MTSS2: variants seen among roughly 807,000 people sequenced by gnomAD.
MTSS2 encodes protein MTSS 2.
MTSS2 carries 27 observed loss-of-function variants against 67.1 expected under a neutral mutation model. The observed-to-expected ratio is 0.40, with a 90% CI of 0.30 to 0.55. The LOEUF (loss-of-function observed/expected upper bound fraction) is 0.55, where lower values mean the gene tolerates loss of function less well. MTSS2 is among the 20% of genes least tolerant of loss of function. MTSS2 has a pLI of 0.43. For missense variants in MTSS2, 1,171 were observed against 1,067.8 expected (o/e 1.10, Z -1.35); for synonymous variants, 624 against 468.6 (o/e 1.33, Z -4.28).
intron 1 of MTSS2, among the ~76,000 whole-genome samples, chr16:70,683,894 G>A (rs1819363892): frequency 6.6e-6 from 1 of 152,246 alleles, no homozygotes; most frequent in Non-Finnish European, 1.5e-5. Flanking sequence ...CCTGGTCATG[G>A]CCCCTGAACA....
chr16:70,680,113 T>A lies in MTSS2; in HGVS notation c.206-58A>T, dbSNP rs555931544. On this transcript the variant is annotated intron_variant, in intron 3 of 14. Coordinates refer to ENST00000338779, the MANE Select transcript of MTSS2 (RefSeq NM_138383.3). ...CGCTGGGGCCTGCGCAGTCCCGGCC[T>A]CGGGCCAGGAGGGGGCGCCCCGGCC... is the stretch of plus-strand genomic sequence containing the variant. 9.5e-6 allele frequency: 12 copies of A among 1,262,874 alleles called. No individual in the cohort carries two copies. In the East Asian group the frequency reaches 3.2e-4, roughly 34 times the overall value. 78.2% of individuals were successfully genotyped at this position (1,262,874 alleles called of 1,614,324 possible). A position where few individuals can be genotyped will look rare whatever the true frequency, so the allele number is the denominator to read the frequency against.
intron 1 of MTSS2, among the ~76,000 whole-genome samples, chr16:70,684,920 G>A (rs1170594148): frequency 2.0e-5 from 3 of 152,182 alleles, no homozygotes; most frequent in Non-Finnish European, 2.9e-5. Context: ...AGTCTCCTTA[G>A]TGACCTTGAG....
chr16:70,666,637 C>A (rs1193301890), intron 11 of MTSS2, among the ~76,000 whole-genome samples: 1 of 152,124 alleles, frequency 6.6e-6, no homozygotes, highest in Non-Finnish European at 1.5e-5. Flanking sequence ...GAACCAAGAT[C>A]ACCAAAATAA....
intron 7 of MTSS2, 81 bp from the exon 8 acceptor site, chr16:70,678,490 G>C: frequency 6.6e-7 from 1 of 1,505,792 alleles, no homozygotes; most frequent in Non-Finnish European, 8.9e-7. Context: ...GACCCTGGTG[G>C]TGGCATCTCT....
intron 11 of MTSS2, among the ~76,000 whole-genome samples, chr16:70,666,401 A>C (rs1325326823): frequency 1.3e-5 from 2 of 152,192 alleles, no homozygotes; most frequent in African/African-American, 2.4e-5. Flanking sequence ...AAACAACTAC[A>C]AAGAATAAAG....
intron 11 of MTSS2, among the ~76,000 whole-genome samples, chr16:70,669,947 C>G (rs754522474): frequency 4.6e-5 from 7 of 151,984 alleles, no homozygotes; most frequent in Non-Finnish European, 5.9e-5. Context: ...AAATGCCAAG[C>G]GCTGGTGAGG....
chr16:70,665,764 A>C, intron 11 of MTSS2: 1 of 470,210 alleles, frequency 2.1e-6, no homozygotes, highest in Non-Finnish European at 3.8e-6. Context: ...CCCACCTGAC[A>C]GCCCAGCCCT....
chr16:70,680,373 G>C (rs2053265176), intron 3 of MTSS2, among the ~76,000 whole-genome samples: 1 of 152,178 alleles, frequency 6.6e-6, no homozygotes, highest in Non-Finnish European at 1.5e-5. Context: ...GCGGGAGTGT[G>C]AGCACGCCCA....
chr16:70,672,000 T>C (rs1413253275), intron 11 of MTSS2, among the ~76,000 whole-genome samples: 2 of 152,170 alleles, frequency 1.3e-5, no homozygotes, highest in East Asian at 3.8e-4. Context: ...GAGGGACAGG[T>C]GTGAGAAACT....
chr16:70,679,682 C>T lies in MTSS2; in HGVS notation c.405G>A (p.Glu135=). ...GCGTGTCCGACGACTTCTTTTTGATCTCATGCCGGGCTCGTTTGTACTCTG... is the reference window on the plus strand; with the variant it reads ...GCGTGTCCGACGACTTCTTTTTGATTTCATGCCGGGCTCGTTTGTACTCTG... The part of the protein sequence containing the change: ...HAKEYKRARH[E]IKKKSSDTLK... Residue 135 remains glutamate (E), a synonymous_variant, in exon 6 of 15, where the codon GAG becomes GAA. Coordinates refer to ENST00000338779, the MANE Select transcript of MTSS2 (RefSeq NM_138383.3). 1 of 1,611,418 alleles carries T rather than the reference C, an allele frequency of 6.2e-7. No individual in the cohort carries two copies. Among genetic ancestry groups the T allele is most frequent in the Non-Finnish European group, 8.5e-7 (1 of 1,179,016 alleles).
chr16:70,683,678 G>A (rs564750210), intron 1 of MTSS2, among the ~76,000 whole-genome samples: 2 of 152,362 alleles, frequency 1.3e-5, no homozygotes, highest in East Asian at 3.9e-4. Context: ...GGGCCTCCCA[G>A]AGGCCCAGGG....
intron 1 of MTSS2, among the ~76,000 whole-genome samples, chr16:70,681,571 C>T (rs1171246422): frequency 6.6e-6 from 1 of 152,250 alleles, no homozygotes; most frequent in Non-Finnish European, 1.5e-5. Context: ...AGGCCAGCAG[C>T]AGTGGCTCCC....
intron 12 of MTSS2, 124 bp downstream of exon 12, chr16:70,665,342 G>T: frequency 9.2e-7 from 1 of 1,083,962 alleles, no homozygotes; most frequent in Non-Finnish European, 1.3e-6. Flanking sequence ...CTTGGGGACA[G>T]GTGCTGTGTG....
chr16:70,683,868 C>T (rs961514541), intron 1 of MTSS2, among the ~76,000 whole-genome samples: 6 of 152,240 alleles, frequency 3.9e-5, no homozygotes, highest in African/African-American at 1.4e-4. Context: ...CAGGTGGCCT[C>T]ATCCCCTTCT....
In MTSS2 at chr16:70,663,509, C is replaced by T. The variant is rs753440511; in HGVS notation, c.*168G>A. Reference sequence around the variant, plus strand: ...GGCCAGGCTTGCTAAGAAGTCACTTCCTGTTTAAATGCTGGAATCCAAGTG... The same window carrying T: ...GGCCAGGCTTGCTAAGAAGTCACTTTCTGTTTAAATGCTGGAATCCAAGTG... On this transcript the variant is annotated 3_prime_UTR_variant, in exon 15 of 15. Coordinates refer to ENST00000338779, the MANE Select transcript of MTSS2 (RefSeq NM_138383.3). 36 of 1,296,748 alleles carry T rather than the reference C, an allele frequency of 2.8e-5. No individual in the cohort carries two copies. Among genetic ancestry groups the T allele is most frequent in the African/African-American group, 6.1e-5 (4 of 65,918 alleles). 80.3% of individuals were successfully genotyped at this position (1,296,748 alleles called of 1,614,324 possible).
chr16:70,664,619 C>T lies in MTSS2; in HGVS notation c.1450G>A (p.Glu484Lys). 1.2e-6 allele frequency: 2 copies of T among 1,613,086 alleles called. No homozygotes were observed. The highest frequency in any genetic ancestry group is 1.7e-6 in the Non-Finnish European group (2 of 1,179,850). ...CTGCCTTGGGAGGGGATGGTGTCCT[C>T]AGAGCAGGAGGGCGTGGTGGTCTGC... is the stretch of plus-strand genomic sequence containing the variant. ...STQTTTPSCS[E>K]DTIPSQGSDY... Residue 484 changes from glutamate (E) to lysine (K), a missense_variant, in exon 14 of 15, where the codon GAG (glutamate) becomes AAG (lysine). Around this residue, in one of 2 missense-constraint regions of MTSS2, gnomAD observed 924 missense variants for 756.0 expected, o/e 1.22. Coordinates refer to ENST00000338779, the MANE Select transcript of MTSS2 (RefSeq NM_138383.3).
rs2053448869 is a variant in MTSS2 at position 70,686,028 on chromosome 16, C to A, written c.-237G>T. ...CGCGGGGGGCGCGGCGCGGGCAGCT[C>A]GCGGCGCAGCCTCGGCGCGGGGACT... On this transcript the variant is annotated 5_prime_UTR_variant, in exon 1 of 15. Transcript: ENST00000338779. 2 of 147,312 alleles carry A rather than the reference C, an allele frequency of 1.4e-5. No individual in the cohort carries two copies. Among genetic ancestry groups the A allele is most frequent in the South Asian group, 3.6e-4 (2 of 5,528 alleles). The allele number at this position is 147,312 out of a possible 1,614,324, so 9.1% of individuals were successfully genotyped here.
chr16:70,681,389 C>T (rs1384445780), intron 1 of MTSS2, among the ~76,000 whole-genome samples: 6 of 152,228 alleles, frequency 3.9e-5, no homozygotes, highest in Non-Finnish European at 8.8e-5. Flanking sequence ...CTGGGCTGAG[C>T]CCAATGAGAG....
At chr16:70,675,630 A>G (rs1464259766) in intron 10 of MTSS2, among the ~76,000 whole-genome samples, 2 of 152,088 alleles carry the variant, frequency 1.3e-5, no homozygotes, top group African/African-American at 4.8e-5. Flanking sequence ...TTTTACCAGG[A>G]TGGTCTCAAT....
Sources: allele counts gnomAD v4.1 joint callset (sites outside exome capture counted in the v4.1 genomes callset), GRCh38; gene constraint gnomAD v4.1.1; regional missense constraint gnomAD v4.1.1; transcripts MANE v1.5; gene names NCBI Gene and HGNC (gene_info 2026-07-23, HGNC 2026-07-21).